The following RFTN1 variants were observed in gnomAD, a reference collection of about 807,000 sequenced individuals.
RFTN1 encodes the protein raftlin, lipid raft linker 1.
Under a neutral mutation model 46.5 loss-of-function variants are expected in RFTN1, and 26 were observed. The ratio of observed to expected loss-of-function variants is 0.56; its 90% CI spans 0.41 to 0.78. The LOEUF is 0.78. Ranked by LOEUF, RFTN1 falls within the 30% of genes least tolerant of loss-of-function variation. The probability of loss-of-function intolerance (pLI) is 0.00; values close to 1 mark genes in which losing one functional copy is unlikely to be tolerated. For missense variants in RFTN1, 693 were observed against 718.7 expected, an observed-to-expected ratio of 0.96 and a Z score of 0.41; for synonymous variants, 261 against 284.2, an observed-to-expected ratio of 0.92 and a Z score of 0.82.
rs573142730 is a variant in RFTN1, at chr3:16,361,625, G to C, written c.1031-3578C>G. On this transcript the variant is annotated intron_variant, in intron 6 of 9. Coordinates refer to ENST00000334133, the MANE Select transcript of RFTN1 (RefSeq NM_015150.2). The surrounding 1 kb of genome is among the most constrained non-coding windows in gnomAD (Gnocchi z 4.3). ...AGCCTGACATGCAGAGTGAACGAAG[G>C]ACAGCCAAGGACCAGGTGAGCAGCA... Among the ~76,000 whole-genome samples the C allele has an allele frequency of 6.6e-6, 1 of 152,324 alleles. No individual in the cohort carries two copies. The highest frequency in any genetic ancestry group is 2.1e-4 in the South Asian group (1 of 4,828).
rs1003489298 is a variant in RFTN1, at chr3:16,512,077, AC to A, written c.-9+1364del. 6.6e-6 allele frequency among the ~76,000 whole-genome samples: 1 copy of A among 152,124 alleles called. No homozygotes were observed. The highest frequency in any genetic ancestry group is 1.5e-5 in the Non-Finnish European group (1 of 68,012). Reference sequence around the variant, plus strand: ...ATTTCACTGAGGTTAGCACACACGCACCAAAGAGTCCCAAACAGCTTGCTTC... The same window carrying A: ...ATTTCACTGAGGTTAGCACACACGCACAAAGAGTCCCAAACAGCTTGCTTC... On this transcript the variant is annotated intron_variant, in intron 1 of 9. Coordinates refer to ENST00000334133, the MANE Select transcript of RFTN1 (RefSeq NM_015150.2). The surrounding 1 kb of genome is among the most constrained non-coding windows in gnomAD (Gnocchi z 4.3).
chr3:16,459,442 A>T lies in RFTN1; in HGVS notation c.146-25405T>A, dbSNP rs2075970027. On this transcript the variant is annotated intron_variant, in intron 2 of 9. Coordinates refer to ENST00000334133, the MANE Select transcript of RFTN1 (RefSeq NM_015150.2). This position sits in a 1 kb window ranked among gnomAD's most constrained non-coding sequence, Gnocchi z 4.2. ...GCGGGAGTCTCTACTTTAAAAATTT[A>T]AAAATGAGCCAGGAATAGCAGCGTG... is the stretch of plus-strand genomic sequence containing the variant. Among the ~76,000 whole-genome samples, 1 of 152,172 alleles carries T rather than the reference A, an allele frequency of 6.6e-6. No individual in the cohort carries two copies.
chr3:16,414,848 G>A, intron 3 of RFTN1, among the ~76,000 whole-genome samples: 1 of 152,182 alleles, frequency 6.6e-6, no homozygotes, highest in South Asian at 2.1e-4. Context: ...ATGCAAAGAA[G>A]CCCTGTGGCC....
Position 16,477,211 on chromosome 3 carries a change from C to T in RFTN1, c.145+16514G>A, listed in dbSNP as rs576719640. 2.0e-5 allele frequency among the ~76,000 whole-genome samples: 3 copies of T among 152,274 alleles called. No homozygotes were observed. In the South Asian group the frequency reaches 6.2e-4, roughly 32 times the overall value. ...AAATTATTTGGTTTTTTTCCTGAAA[C>T]TGGATTAATCACCTGCACCTATCTC... On this transcript the variant is annotated intron_variant, in intron 2 of 9. Coordinates refer to ENST00000334133, the MANE Select transcript of RFTN1 (RefSeq NM_015150.2).
chr3:16,510,619 A>G (rs2076881601), intron 1 of RFTN1, among the ~76,000 whole-genome samples: 1 of 152,318 alleles, frequency 6.6e-6, no homozygotes, highest in Middle Eastern at 3.4e-3. Context: ...TGACTTTAGG[A>G]TAGGAAAGAC....
intron 8 of RFTN1, among the ~76,000 whole-genome samples, chr3:16,325,548 T>C (rs1446708871): frequency 6.6e-6 from 1 of 152,178 alleles, no homozygotes. Flanking sequence ...CATGACACAG[T>C]GGGTAAGTGG....
Position 16,449,527 on chromosome 3 carries a change from T to C in RFTN1, c.146-15490A>G, listed in dbSNP as rs778835784. On this transcript the variant is annotated intron_variant, in intron 2 of 9. Coordinates refer to ENST00000334133, the MANE Select transcript of RFTN1 (RefSeq NM_015150.2). The surrounding 1 kb of genome is among the most constrained non-coding windows in gnomAD (Gnocchi z 5.1). ...GCACCTGGAACTGGTAACTCCTCCA[T>C]ACACGGGAGCTGCTAAAATCATTGT... is the stretch of plus-strand genomic sequence containing the variant. Among the ~76,000 whole-genome samples, 9 of 152,238 alleles carry C rather than the reference T, an allele frequency of 5.9e-5. No individual in the cohort carries two copies. The highest frequency in any genetic ancestry group is 7.3e-5 in the Non-Finnish European group (5 of 68,040).
rs1398674510 is a variant in RFTN1 at position 16,483,732 on chromosome 3, A to AT, written c.145+9992dup. Among the ~76,000 whole-genome samples the AT allele has an allele frequency of 2.6e-5, 4 of 151,824 alleles. No homozygotes were observed. The highest frequency in any genetic ancestry group is 2.1e-4 in the South Asian group (1 of 4,806). The stretch of plus-strand genomic sequence containing the variant: ...ATACTCAAAAGATCACACTAGTATA[A>AT]TTTTTTTCTGCCATCTCCACTCAAA... On this transcript the variant is annotated intron_variant, in intron 2 of 9. Transcript: ENST00000334133. This position sits in a 1 kb window ranked among gnomAD's most constrained non-coding sequence, Gnocchi z 4.8.
intron 6 of RFTN1, among the ~76,000 whole-genome samples, chr3:16,369,209 T>G (rs1483224606): frequency 6.6e-6 from 1 of 152,222 alleles, no homozygotes; most frequent in Non-Finnish European, 1.5e-5. Flanking sequence ...TTGCAAACAA[T>G]GTAGAATCCA....
chr3:16,377,803 T>G lies in RFTN1; in HGVS notation c.741A>C (p.Gly247=), dbSNP rs1279504533. Residue 247 remains glycine, a synonymous_variant, in exon 5 of 10, where the codon GGA becomes GGC. Transcript: ENST00000334133. ...PSSPSGEGDG[G]ELSPQGVSKT... is the part of the protein sequence containing the mutation. The stretch of plus-strand genomic sequence containing the variant: ...TGCTCACCCCCTGTGGTGAAAGTTC[T>G]CCACCATCTCCCTCTCCGGAGGGTG... 1.2e-6 allele frequency: 2 copies of G among 1,614,098 alleles called. No homozygotes were observed. Among genetic ancestry groups the G allele is most frequent in the Non-Finnish European group, 1.7e-6 (2 of 1,180,036 alleles).
intron 5 of RFTN1, among the ~76,000 whole-genome samples, chr3:16,373,156 G>A (rs567485191): frequency 6.6e-6 from 1 of 152,232 alleles, no homozygotes; most frequent in Non-Finnish European, 1.5e-5. Flanking sequence ...ACCCCAGCTG[G>A]AAGATTTTTC....
rs2071376392 is a variant in RFTN1, at chr3:16,342,406, T to C, written c.1146+15526A>G. Among the ~76,000 whole-genome samples, 1 of 152,258 alleles carries C rather than the reference T, an allele frequency of 6.6e-6. No individual in the cohort carries two copies. Among genetic ancestry groups the C allele is most frequent in the African/African-American group, 2.4e-5 (1 of 41,466 alleles). Reference sequence around the variant, plus strand: ...TATTGCAAAATAATATTCCATCATATGGATATACCATAGTTTATTCATCAT... The same window carrying C: ...TATTGCAAAATAATATTCCATCATACGGATATACCATAGTTTATTCATCAT... On this transcript the variant is annotated intron_variant, in intron 7 of 9. Transcript: ENST00000334133. The surrounding 1 kb of genome is among the most constrained non-coding windows in gnomAD (Gnocchi z 4.0).
chr3:16,317,445 A>AT lies in RFTN1; in HGVS notation c.1333-214dup, dbSNP rs1238839425. Among the ~76,000 whole-genome samples, 1 of 151,998 alleles carries AT rather than the reference A, an allele frequency of 6.6e-6. No individual in the cohort carries two copies. The highest frequency in any genetic ancestry group is 2.4e-5 in the African/African-American group (1 of 41,374). On this transcript the variant is annotated intron_variant, in intron 9 of 9. Transcript: ENST00000334133. This position sits in a 1 kb window ranked among gnomAD's most constrained non-coding sequence, Gnocchi z 4.3. ...CTGCACCACACCTTCCAGGATGTGT[A>AT]TTTTAGATGTAGATTTCAGGTTCTG...
intron 2 of RFTN1, among the ~76,000 whole-genome samples, chr3:16,439,594 T>C (rs1010847981): frequency 3.3e-5 from 5 of 152,208 alleles, no homozygotes; most frequent in African/African-American, 1.2e-4. Flanking sequence ...TTGGATAATA[T>C]AACAATTGTT....
Position 16,342,290 on chromosome 3 carries a change from A to G in RFTN1, c.1147-15414T>C, listed in dbSNP as rs182659779. On this transcript the variant is annotated intron_variant, in intron 7 of 9. Transcript: ENST00000334133. This position sits in a 1 kb window ranked among gnomAD's most constrained non-coding sequence, Gnocchi z 4.0. Reference sequence around the variant, plus strand: ...GGATATTTCATATAAATGGATTCATATAATATGTGGTCTTTTGCAACTGGC... The same window carrying G: ...GGATATTTCATATAAATGGATTCATGTAATATGTGGTCTTTTGCAACTGGC... Among the ~76,000 whole-genome samples the G allele has an allele frequency of 1.3e-5, 2 of 152,274 alleles. No homozygotes were observed. The highest frequency in any genetic ancestry group is 2.1e-4 in the South Asian group (1 of 4,832).
intron 1 of RFTN1, among the ~76,000 whole-genome samples, chr3:16,501,871 G>A (rs1393450872): frequency 2.0e-5 from 3 of 152,140 alleles, no homozygotes; most frequent in Non-Finnish European, 4.4e-5. Flanking sequence ...AAATGTACCC[G>A]TCGAAAGTGT....
In RFTN1 at chr3:16,356,772, C is replaced by G. The variant is rs2072463891; in HGVS notation, c.1146+1160G>C. On this transcript the variant is annotated intron_variant, in intron 7 of 9. Transcript: ENST00000334133. This position sits in a 1 kb window ranked among gnomAD's most constrained non-coding sequence, Gnocchi z 4.9. The stretch of plus-strand genomic sequence containing the variant: ...TGGAGAGCCCTCTTTGGCAGAGGCC[C>G]TCCCAGCAATGCCAATCCTGTGTTC... 6.6e-6 allele frequency among the ~76,000 whole-genome samples: 1 copy of G among 152,220 alleles called. No individual in the cohort carries two copies. The highest frequency in any genetic ancestry group is 1.5e-5 in the Non-Finnish European group (1 of 68,038).
chr3:16,349,463 G>T (rs1007264838), intron 7 of RFTN1: 1 of 152,310 alleles, frequency 6.6e-6, no homozygotes, highest in Non-Finnish European at 1.5e-5. Context: ...ATGAGCTGAG[G>T]TGTGCAGGTG....
rs1464851081 is a variant in RFTN1 at position 16,329,976 on chromosome 3, A to G, written c.1147-3100T>C. Among the ~76,000 whole-genome samples, 1 of 152,182 alleles carries G rather than the reference A, an allele frequency of 6.6e-6. No individual in the cohort carries two copies. ...GACCCGCCTGCTTAGACAGACTGCA[A>G]ACCGGCTGCTTCTATTTTGCTCCGT... On this transcript the variant is annotated intron_variant, in intron 7 of 9. Coordinates refer to ENST00000334133, the MANE Select transcript of RFTN1 (RefSeq NM_015150.2). The surrounding 1 kb of genome is among the most constrained non-coding windows in gnomAD (Gnocchi z 4.5).
Sources: allele counts gnomAD v4.1 joint callset (sites outside exome capture counted in the v4.1 genomes callset), GRCh38; gene constraint gnomAD v4.1.1; non-coding constraint Gnocchi (gnomAD v3.1); transcripts MANE v1.5; gene names NCBI Gene and HGNC (gene_info 2026-07-23, HGNC 2026-07-21).